LMF1: variants seen among roughly 807,000 people sequenced by gnomAD.
The protein encoded by LMF1 is transmembrane protein 112.
LMF1 carries 68 observed loss-of-function variants against 60.6 expected under a neutral mutation model. That is an observed-to-expected ratio of 1.12 (90% CI 0.92 to 1.37). LMF1 has a LOEUF of 1.37. Among genes scored for constraint, LMF1 ranks in the 40% most tolerant of loss-of-function variants. LMF1 has a pLI of 0.00. For missense variants in LMF1, 948 were observed against 767.2 expected (o/e 1.24, Z -2.78); for synonymous variants, 418 against 324.7 (o/e 1.29, Z -3.09).
intron 1 of LMF1, chr16:977,042 G>A (rs1247405603): frequency 4.8e-5 from 22 of 454,192 alleles, no homozygotes; most frequent in Middle Eastern, 6.9e-4. Flanking sequence ...GCAGGCAGAC[G>A]TAAGCTGCAG....
chr16:912,032 G>A (rs946997413), intron 3 of LMF1, among the ~76,000 whole-genome samples: 6 of 152,170 alleles, frequency 3.9e-5, no homozygotes, highest in African/African-American at 7.2e-5. Flanking sequence ...CACAGCTCGC[G>A]TCTGTCAATG....
chr16:888,256 G>A (rs796228521), intron 5 of LMF1, among the ~76,000 whole-genome samples: 1 of 152,206 alleles, frequency 6.6e-6, no homozygotes. Flanking sequence ...GCCCTGTGCC[G>A]CGTCTGGGAA....
chr16:927,428 A>G (rs2071642173), intron 3 of LMF1, among the ~76,000 whole-genome samples: 1 of 152,234 alleles, frequency 6.6e-6, no homozygotes, highest in South Asian at 2.1e-4. Context: ...CCGTGCAATT[A>G]AATCAACACA....
rs893921880 is a variant in LMF1, at chr16:878,778, C to T, written c.897+792G>A. Among the ~76,000 whole-genome samples the T allele has an allele frequency of 4.6e-4, 67 of 147,244 alleles. No individual in the cohort carries two copies. The highest frequency in any genetic ancestry group is 1.6e-3 in the African/African-American group (61 of 38,968). The stretch of plus-strand genomic sequence containing the variant: ...GGGGCGGGCAGGGCAGGGGAAGGGG[C>T]GTGGGACACCCAGGTACATCTGTTT... On this transcript the variant is annotated intron_variant, in intron 6 of 10. Coordinates refer to ENST00000262301, the MANE Select transcript of LMF1 (RefSeq NM_022773.4). This position sits in a 1 kb window ranked among gnomAD's most constrained non-coding sequence, Gnocchi z 5.2.
chr16:898,520 C>T (rs191879304), intron 4 of LMF1, among the ~76,000 whole-genome samples: 23 of 152,376 alleles, frequency 1.5e-4, no homozygotes, highest in Admixed American at 1.2e-3. Flanking sequence ...GCTGCTGGGG[C>T]CTGGAGCAGC....
intron 3 of LMF1, among the ~76,000 whole-genome samples, chr16:928,671 C>A (rs544068152): frequency 1.3e-5 from 2 of 151,752 alleles, no homozygotes; most frequent in South Asian, 2.1e-4. Flanking sequence ...GTTCCCTGCA[C>A]GAGCCCATCC....
intron 3 of LMF1, among the ~76,000 whole-genome samples, chr16:930,637 C>T (rs1250091979): frequency 6.6e-6 from 1 of 152,252 alleles, no homozygotes; most frequent in Non-Finnish European, 1.5e-5. Context: ...GCTGTGCGGA[C>T]TTCCCGGCCA....
rs746232858 is a variant in LMF1, at chr16:868,776, CGG to C, written c.1529+166_1529+167del. 0.19 allele frequency among the ~76,000 whole-genome samples: 9,702 copies of C among 50,200 alleles called. 618 individuals are homozygous for C. The highest frequency in any genetic ancestry group is 0.29 in the African/African-American group (6,120 of 21,202). 32.9% of individuals were successfully genotyped at this position (50,200 alleles called of 152,430 possible). A position where few individuals can be genotyped will look rare whatever the true frequency, so the allele number is the denominator to read the frequency against. ...CCTTGATGCCAAGGCTGATGTGGGG[CGG>C]GGGGGGGGGGCCCTTTTTGCTCCCA... On this transcript the variant is annotated intron_variant, in intron 10 of 10. Coordinates refer to ENST00000262301, the MANE Select transcript of LMF1 (RefSeq NM_022773.4).
chr16:952,899 C>G (rs370740498), intron 2 of LMF1, among the ~76,000 whole-genome samples: 276 of 99,448 alleles, frequency 2.8e-3, no homozygotes, highest in African/African-American at 7.7e-3. Flanking sequence ...ACACCCACCC[C>G]AAACCAGCCT....
At chr16:928,109 G>T (rs895523813) in intron 3 of LMF1, among the ~76,000 whole-genome samples, 1 of 152,194 alleles carries the variant, frequency 6.6e-6, no homozygotes, top group Admixed American at 6.5e-5. Flanking sequence ...GGCACCCAAC[G>T]CTGGGACAGC....
intron 3 of LMF1, among the ~76,000 whole-genome samples, chr16:927,659 GC>G (rs1047795396): frequency 6.6e-6 from 1 of 152,234 alleles, no homozygotes. Context: ...GCTTGGTGGA[GC>G]CTGGTGCAGC....
intron 1 of LMF1, among the ~76,000 whole-genome samples, chr16:960,201 C>T (rs986466253): frequency 1.3e-5 from 2 of 152,152 alleles, no homozygotes; most frequent in African/African-American, 2.4e-5. Flanking sequence ...AGCATCCCTG[C>T]GGGGAAGGAG....
intron 4 of LMF1, chr16:902,551 C>T: frequency 6.0e-6 from 1 of 165,874 alleles, no homozygotes; most frequent in Non-Finnish European, 1.3e-5. Context: ...CAGGGAAGGC[C>T]GAGGACAGTC....
intron 4 of LMF1, among the ~76,000 whole-genome samples, chr16:893,589 T>A (rs4984709): frequency 1.3e-5 from 2 of 151,978 alleles, no homozygotes; most frequent in African/African-American, 4.8e-5. Flanking sequence ...CTGTGAGGAC[T>A]CCTGGGGCAC....
At chr16:976,695 G>A in intron 1 of LMF1, 1 of 454,136 alleles carries the variant, frequency 2.2e-6, no homozygotes, top group South Asian at 1.6e-5. Context: ...AGAAGCTTGG[G>A]GACCCGCTCC....
intron 5 of LMF1, among the ~76,000 whole-genome samples, chr16:887,665 G>A (rs1179429291): frequency 6.6e-6 from 1 of 152,182 alleles, no homozygotes; most frequent in African/African-American, 2.4e-5. Flanking sequence ...GCCCCACGCA[G>A]AGTGCGCGCT....
At position 897,657 on chromosome 16, in the gene LMF1, C is replaced by CT. The variant is rs1186524068; in HGVS notation, c.664-4586dup. Among the ~76,000 whole-genome samples the CT allele has an allele frequency of 6.6e-6, 1 of 152,144 alleles. No individual in the cohort carries two copies. The highest frequency in any genetic ancestry group is 1.9e-4 in the East Asian group (1 of 5,186). The stretch of plus-strand genomic sequence containing the variant: ...CAGCCACTGCTTCTCCCCGAGTGCT[C>CT]TGAGAGCTGGGGGTGGGTGGAAACC... On this transcript the variant is annotated intron_variant, in intron 4 of 10. Transcript: ENST00000262301. This position sits in a 1 kb window ranked among gnomAD's most constrained non-coding sequence, Gnocchi z 4.3.
rs577696131 is a variant in LMF1 at position 947,491 on chromosome 16, G to A, written c.503+6866C>T. On this transcript the variant is annotated intron_variant, in intron 2 of 10. Transcript: ENST00000262301. ...CCCTGGGTGCTGGCGGCCTCCCAGC[G>A]TCCCCTCCAGCCCTGGCGCTGCTCT... 1.2e-4 allele frequency: 54 copies of A among 456,064 alleles called. 1 individual carries two copies. Among genetic ancestry groups the A allele is most frequent in the Admixed American group, 5.6e-4 (24 of 42,574 alleles). 28.3% of individuals were successfully genotyped at this position (456,064 alleles called of 1,614,324 possible). A position where few individuals can be genotyped will look rare whatever the true frequency, so the allele number is the denominator to read the frequency against.
intron 1 of LMF1, chr16:979,735 A>G (rs1303399563): frequency 8.8e-6 from 4 of 453,998 alleles, no homozygotes; most frequent in Non-Finnish European, 1.8e-5. Flanking sequence ...CCCGGATGGC[A>G]CTGTGAGCCC....
Sources: gnomAD v4.1 joint callset for allele counts (sites outside exome capture counted in the v4.1 genomes callset) on GRCh38, gnomAD v4.1.1 for gene constraint, Gnocchi (gnomAD v3.1) non-coding constraint, MANE v1.5 for transcripts, NCBI Gene and HGNC (gene_info 2026-07-23, HGNC 2026-07-21) for gene names.